The following CSKMT variants were observed in gnomAD, a reference collection of about 807,000 sequenced individuals.
CSKMT encodes the protein citrate synthase lysine methyltransferase.
Under a neutral mutation model 4.6 loss-of-function variants are expected in CSKMT, and 6 were observed. The observed-to-expected ratio is 1.31, with a 90% CI of 0.72 to 2.59. The LOEUF (loss-of-function observed/expected upper bound fraction) is 2.59. Ranked by LOEUF, CSKMT falls within the 30% of genes most tolerant of loss-of-function variation. The pLI, the probability that CSKMT is intolerant of heterozygous loss-of-function variation, is 0.00. For missense variants in CSKMT, 328 were observed against 298.0 expected, an observed-to-expected ratio of 1.10 and a Z score of -0.74; for synonymous variants, 142 against 128.9, an observed-to-expected ratio of 1.10 and a Z score of -0.69.
chr11:62,667,954 A>G lies in CSKMT; in HGVS notation c.*903A>G, dbSNP rs144510208. ...ATAGTGGCACAGGCATGTAGTTCCA[A>G]CTACTCAGGAGGCTGAGCTGGGAGG... On this transcript the variant is annotated 3_prime_UTR_variant, in exon 3 of 3. Coordinates refer to ENST00000532971, the MANE Select transcript of CSKMT (RefSeq NM_001043229.2). The G allele has an allele frequency of 5.2e-5, 27 of 520,428 alleles. No individual in the cohort carries two copies. Among genetic ancestry groups the G allele is most frequent in the African/African-American group, 4.0e-4 (21 of 52,944 alleles). The allele number at this position is 520,428 out of a possible 1,614,324, so 32.2% of individuals were successfully genotyped here.
chr11:62,665,832 T>TGG lies in CSKMT; in HGVS notation c.-47_-46dup, dbSNP rs778575685. 1.4e-5 allele frequency: 22 copies of TGG among 1,601,898 alleles called. No individual in the cohort carries two copies. The highest frequency in any genetic ancestry group is 1.9e-5 in the Non-Finnish European group (22 of 1,171,384). ...TCAGGCCTCTCCGGCTGGAGTAGGG[T>TGG]GGACGCTTCACATAAGCTTCTCTGG... On this transcript the variant is annotated 5_prime_UTR_variant, in exon 2 of 3. Transcript: ENST00000532971.
Position 62,665,672 on chromosome 11 carries a change from C to T in CSKMT, c.-208C>T, listed in dbSNP as rs866507432. The T allele has an allele frequency of 1.4e-6, 2 of 1,465,574 alleles. No individual in the cohort carries two copies. Among genetic ancestry groups the T allele is most frequent in the East Asian group, 4.9e-5 (2 of 40,536 alleles). 90.8% of individuals were successfully genotyped at this position (1,465,574 alleles called of 1,614,324 possible). A position where few individuals can be genotyped will look rare whatever the true frequency, so the allele number is the denominator to read the frequency against. Reference sequence around the variant, plus strand: ...GTCTGCGGACGCTGTATACCCTCCTCCACTTCCCGCTGCAGCCAATAAAGG... The same window carrying T: ...GTCTGCGGACGCTGTATACCCTCCTTCACTTCCCGCTGCAGCCAATAAAGG... On this transcript the variant is annotated 5_prime_UTR_variant, in exon 2 of 3. Transcript: ENST00000532971.
At chr11:62,666,190 A>C (rs1236791894) in intron 2 of CSKMT, 7 of 716,808 alleles carry the variant, frequency 9.8e-6, no homozygotes, top group Non-Finnish European at 1.6e-5. Context: ...TACAAAAAAA[A>C]TTAACCGGGC....
In CSKMT at chr11:62,666,411, G is replaced by A. The variant is rs1419351444; in HGVS notation, c.83G>A (p.Ser28Asn). The A allele has an allele frequency of 1.2e-6, 2 of 1,610,364 alleles. No individual in the cohort carries two copies. The highest frequency in any genetic ancestry group is 8.5e-7 in the Non-Finnish European group (1 of 1,180,008). ...CRPFAGSLAD[S>N]CLADRCLWDR... ...GTGCCCACAGGCTCACTGGCTGATA[G>A]TTGCCTGGCGGACCGCTGTCTCTGG... is the stretch of plus-strand genomic sequence containing the variant. Residue 28 changes from serine to asparagine, a missense_variant, in exon 3 of 3, where the codon AGT (serine) becomes AAT (asparagine). By Grantham distance (46) the Ser-to-Asn change is conservative. Transcript: ENST00000532971.
chr11:62,666,056 C>T, intron 2 of CSKMT, 110 bp downstream of exon 2: 1 of 1,267,788 alleles, frequency 7.9e-7, no homozygotes, highest in East Asian at 2.4e-5. Flanking sequence ...GATTCTCAAA[C>T]CCTACGGTGG....
rs1224673519 is a variant in CSKMT, at chr11:62,665,948, T to C, written c.67+2T>C. 1 of 1,609,822 alleles carries C rather than the reference T, an allele frequency of 6.2e-7. No individual in the cohort carries two copies. The highest frequency in any genetic ancestry group is 1.7e-5 in the Admixed American group (1 of 59,892). ...TGGGGACGTGCCGCCCCTTTGCGGG[T>C]AGGGAGGTGGGGGCAGAGTGGAGAG... is the stretch of plus-strand genomic sequence containing the variant. On this transcript the variant is annotated splice_donor_variant, in intron 2 of 2. Coordinates refer to ENST00000532971, the MANE Select transcript of CSKMT (RefSeq NM_001043229.2). LOFTEE classifies it high-confidence loss of function.
chr11:62,666,302 CCT>C (rs904777935), intron 2 of CSKMT, 92 bp from the exon 3 acceptor site: 4 of 1,310,256 alleles, frequency 3.1e-6, no homozygotes, highest in African/African-American at 1.5e-5. Context: ...AGAGTGAGAC[CCT>C]GTCTCAAAAA....
chr11:62,665,829 G>T lies in CSKMT; in HGVS notation c.-51G>T. On this transcript the variant is annotated 5_prime_UTR_variant, in exon 2 of 3. It adds an upstream start codon to the 5' untranslated region. Coordinates refer to ENST00000532971, the MANE Select transcript of CSKMT (RefSeq NM_001043229.2). ...ACCTCAGGCCTCTCCGGCTGGAGTA[G>T]GGTGGACGCTTCACATAAGCTTCTC... The T allele has an allele frequency of 6.2e-7, 1 of 1,601,138 alleles. No individual in the cohort carries two copies. Among genetic ancestry groups the T allele is most frequent in the Non-Finnish European group, 8.5e-7 (1 of 1,170,902 alleles).
At position 62,667,281 on chromosome 11, in the gene CSKMT, C is replaced by A. The variant is rs530779440; in HGVS notation, c.*230C>A. ...ACAATGATGTGCGCAATATTTAGCA[C>A]AAAATGAATGCTGAAAAGAGAAGGT... On this transcript the variant is annotated 3_prime_UTR_variant, in exon 3 of 3. Coordinates refer to ENST00000532971, the MANE Select transcript of CSKMT (RefSeq NM_001043229.2). 7.8e-6 allele frequency: 5 copies of A among 637,652 alleles called. No homozygotes were observed. In the East Asian group the frequency reaches 1.4e-4, roughly 17 times the overall value. The allele number at this position is 637,652 out of a possible 1,614,324, so 39.5% of individuals were successfully genotyped here.
Position 62,666,563 on chromosome 11 carries a change from G to A in CSKMT, c.235G>A (p.Val79Met). The A allele has an allele frequency of 6.2e-7, 1 of 1,614,186 alleles. No individual in the cohort carries two copies. The highest frequency in any genetic ancestry group is 8.5e-7 in the Non-Finnish European group (1 of 1,180,040). Residue 79 changes from valine (V) to methionine (M), a missense_variant, in exon 3 of 3, where the codon GTG (valine) becomes ATG (methionine). Transcript: ENST00000532971. The part of the protein sequence containing the change: ...QEAQAASPLR[V>M]LDVGCGTSSL... ...GGCACAGGCTGCCAGTCCTCTGCGA[G>A]TGCTGGATGTGGGCTGTGGGACTTC...
Position 62,666,283 on chromosome 11 carries a change from C to T in CSKMT, c.68-113C>T, listed in dbSNP as rs770953445. 2.7e-5 allele frequency: 30 copies of T among 1,119,412 alleles called. No individual in the cohort carries two copies. In the African/African-American group the frequency reaches 4.3e-4, roughly 16 times the overall value. 69.3% of individuals were successfully genotyped at this position (1,119,412 alleles called of 1,614,324 possible). On this transcript the variant is annotated intron_variant, in intron 2 of 2. Transcript: ENST00000532971. ...CATCATTGTGCTACTGTACTCAACCCTGGGTCACAGAGTGAGACCCTGTCT... is the reference window on the plus strand; with the variant it reads ...CATCATTGTGCTACTGTACTCAACCTTGGGTCACAGAGTGAGACCCTGTCT...
intron 2 of CSKMT, 121 bp downstream of exon 2, chr11:62,666,067 G>C: frequency 1.7e-6 from 2 of 1,170,380 alleles, no homozygotes; most frequent in Non-Finnish European, 2.4e-6. Context: ...CCTACGGTGG[G>C]CCGTGCGTGG....
rs1440010167 is a variant in CSKMT, at chr11:62,666,731, G to A, written c.403G>A (p.Ala135Thr). ...GQTPLCPGHP[A>T]SSLHFMHADA... is the part of the protein sequence containing the mutation. ...AACACCTCTATGCCCTGGACACCCTGCCTCAAGCCTCCACTTCATGCACGC... is the reference window on the plus strand; with the variant it reads ...AACACCTCTATGCCCTGGACACCCTACCTCAAGCCTCCACTTCATGCACGC... The change falls in exon 3 of 3, where the codon GCC (alanine) becomes ACC (threonine). Residue 135 changes from alanine (A) to threonine (T), a missense_variant. Physicochemically the swap from Ala to Thr is moderately conservative, Grantham distance 58. Coordinates refer to ENST00000532971, the MANE Select transcript of CSKMT (RefSeq NM_001043229.2). The A allele has an allele frequency of 6.2e-7, 1 of 1,614,090 alleles. No homozygotes were observed. Among genetic ancestry groups the A allele is most frequent in the Non-Finnish European group, 8.5e-7 (1 of 1,180,010 alleles).
At chr11:62,666,094 T>A (rs768809478) in intron 2 of CSKMT, 148 bp downstream of exon 2, 22 of 968,448 alleles carry the variant, frequency 2.3e-5, no homozygotes, top group African/African-American at 3.3e-5. Context: ...ACGGCTGTAA[T>A]GCTAACACTT....
chr11:62,667,426 C>T lies in CSKMT; in HGVS notation c.*375C>T. The T allele has an allele frequency of 7.7e-7, 1 of 1,304,790 alleles. No individual in the cohort carries two copies. The highest frequency in any genetic ancestry group is 1.1e-6 in the Non-Finnish European group (1 of 905,894). The allele number at this position is 1,304,790 out of a possible 1,614,324, so 80.8% of individuals were successfully genotyped here. A position where few individuals can be genotyped will look rare whatever the true frequency, so the allele number is the denominator to read the frequency against. ...ATCTAGTGGCCTAACCTGTAAGCCT[C>T]ATTTTTGTCACCTGTAAAAGGAGAT... On this transcript the variant is annotated 3_prime_UTR_variant, in exon 3 of 3. Coordinates refer to ENST00000532971, the MANE Select transcript of CSKMT (RefSeq NM_001043229.2).
Position 62,667,191 on chromosome 11 carries a change from A to C in CSKMT, c.*140A>C, listed in dbSNP as rs1408376519. 26 of 867,374 alleles carry C rather than the reference A, an allele frequency of 3.0e-5. No individual in the cohort carries two copies. Among genetic ancestry groups the C allele is most frequent in the Non-Finnish European group, 4.6e-5 (26 of 566,396 alleles). The allele number at this position is 867,374 out of a possible 1,614,324, so 53.7% of individuals were successfully genotyped here. A position where few individuals can be genotyped will look rare whatever the true frequency, so the allele number is the denominator to read the frequency against. The stretch of plus-strand genomic sequence containing the variant: ...TACTAGCTGGGTGCCATATTGCTGA[A>C]TGTTTCTGTTCCCCAGTTTACTCAT... On this transcript the variant is annotated 3_prime_UTR_variant, in exon 3 of 3. Transcript: ENST00000532971.
Position 62,666,771 on chromosome 11 carries a change from TGG to T in CSKMT, c.447_448del (p.Ala150CysfsTer26), listed in dbSNP as rs1565127883. 1.2e-6 allele frequency: 2 copies of T among 1,614,160 alleles called. No homozygotes were observed. Among genetic ancestry groups the T allele is most frequent in the South Asian group, 2.2e-5 (2 of 91,090 alleles). On this transcript the variant is annotated frameshift_variant, in exon 3 of 3. Transcript: ENST00000532971. LOFTEE classifies it high-confidence loss of function. ...TTCATGCACGCCGATGCTCAGAACC[TGG>T]GGGCTGTGGCTTCTTCAGGCTCTTT...
rs1381751263 is a variant in CSKMT at position 62,665,700 on chromosome 11, G to T, written c.-180G>T. On this transcript the variant is annotated 5_prime_UTR_variant, in exon 2 of 3. Coordinates refer to ENST00000532971, the MANE Select transcript of CSKMT (RefSeq NM_001043229.2). ...CTTCCCGCTGCAGCCAATAAAGGCCGTTCCTACCATAGTCTGTGTCCGCGT... is the reference window on the plus strand; with the variant it reads ...CTTCCCGCTGCAGCCAATAAAGGCCTTTCCTACCATAGTCTGTGTCCGCGT... The T allele has an allele frequency of 4.1e-6, 6 of 1,459,842 alleles. No individual in the cohort carries two copies. Among genetic ancestry groups the T allele is most frequent in the African/African-American group, 2.8e-5 (2 of 70,924 alleles). 90.4% of individuals were successfully genotyped at this position (1,459,842 alleles called of 1,614,324 possible).
At position 62,665,932 on chromosome 11, in the gene CSKMT, G is replaced by T; in HGVS notation, c.53G>T (p.Cys18Phe). 1 of 1,612,626 alleles carries T rather than the reference G, an allele frequency of 6.2e-7. No individual in the cohort carries two copies. ...LHLPSLMMGT[C>F]RPFAGSLADS... Reference sequence around the variant, plus strand: ...TTGCCGAGCCTGATGATGGGGACGTGCCGCCCCTTTGCGGGTAGGGAGGTG... The same window carrying T: ...TTGCCGAGCCTGATGATGGGGACGTTCCGCCCCTTTGCGGGTAGGGAGGTG... The change falls in exon 2 of 3, where the codon TGC (cysteine) becomes TTC (phenylalanine). Residue 18 changes from cysteine to phenylalanine, a missense_variant. Physicochemically the swap from Cys to Phe is radical, Grantham distance 205. Transcript: ENST00000532971.
Sources: gnomAD v4.1 joint callset for allele counts on GRCh38, gnomAD v4.1.1 for gene constraint, MANE v1.5 for transcripts, NCBI Gene and HGNC (gene_info 2026-07-23, HGNC 2026-07-21) for gene names.